Variants in CLNK observed in about 807,000 individuals in gnomAD.
CLNK encodes cytokine-dependent hematopoietic cell linker.
A neutral mutation model predicts 68.6 loss-of-function variants in CLNK; 74 were observed. The ratio of observed to expected loss-of-function variants is 1.08; its 90% CI spans 0.89 to 1.31. CLNK has a LOEUF of 1.31. Ranked by LOEUF, CLNK falls within the 50% of genes most tolerant of loss-of-function variation. CLNK has a pLI of 0.00. For missense variants in CLNK, 553 were observed against 515.3 expected (o/e 1.07, Z -0.71); for synonymous variants, 198 against 172.2 (o/e 1.15, Z -1.17).
At chr4:10,491,511 T>C (rs888183971) in intron 18 of CLNK, among the ~76,000 whole-genome samples, 1 of 152,240 alleles carries the variant, frequency 6.6e-6, no homozygotes, top group Admixed American at 6.5e-5. Context: ...CTTAAGCTTC[T>C]TGTGAAATAA....
chr4:10,572,308 C>T (rs139719221), intron 4 of CLNK, among the ~76,000 whole-genome samples: 164 of 152,342 alleles, frequency 1.1e-3, no homozygotes, highest in Non-Finnish European at 2.1e-3. Context: ...CCGTATTGAA[C>T]AATTGAGTTA....
At chr4:10,655,066 A>T (rs1450638204) in intron 2 of CLNK, among the ~76,000 whole-genome samples, 4 of 143,430 alleles carry the variant, frequency 2.8e-5, no homozygotes, top group Admixed American at 1.6e-4. Context: ...ACACCACTGC[A>T]CTCCAGTCTG....
At chr4:10,492,008 G>C (rs1320136182) in intron 18 of CLNK, among the ~76,000 whole-genome samples, 1 of 152,134 alleles carries the variant, frequency 6.6e-6, no homozygotes, top group Non-Finnish European at 1.5e-5. Context: ...ATAAGTTCCT[G>C]AAGGAGTATA....
At chr4:10,618,524 T>A (rs569357569) in intron 2 of CLNK, among the ~76,000 whole-genome samples, 192 of 152,344 alleles carry the variant, frequency 1.3e-3, no homozygotes, top group African/African-American at 4.1e-3. Flanking sequence ...ATATGACATG[T>A]AAAATATGCT....
At chr4:10,564,883 A>G in intron 6 of CLNK, 106 bp from the exon 7 acceptor site, 1 of 715,020 alleles carries the variant, frequency 1.4e-6, no homozygotes, top group South Asian at 1.6e-5. Context: ...TTACAACGTA[A>G]GTAAGAGCAA....
At chr4:10,512,388 G>A (rs538553901) in intron 16 of CLNK, among the ~76,000 whole-genome samples, 17 of 152,068 alleles carry the variant, frequency 1.1e-4, no homozygotes, top group African/African-American at 3.4e-4. Context: ...GTGCCACCAC[G>A]CCTGGCTAAT....
At chr4:10,710,830 T>C in the CLNK span, among the ~76,000 whole-genome samples, 2 of 152,102 alleles carry the variant, frequency 1.3e-5, no homozygotes, top group Non-Finnish European at 2.9e-5. Flanking sequence ...CTGCCTGCAA[T>C]TTTTTGTACA....
Position 10,486,548 on chromosome 4 carries a change from T to A in CLNK, c.*3919A>T, listed in dbSNP as rs1444940507. On this transcript the variant is annotated 3_prime_UTR_variant, in exon 19 of 19. Coordinates refer to ENST00000226951, the MANE Select transcript of CLNK (RefSeq NM_052964.4). Reference sequence around the variant, plus strand: ...TATAGGCTATCATAAAAATTTGTATTTGTGTACACACATACATAATTGGCT... The same window carrying A: ...TATAGGCTATCATAAAAATTTGTATATGTGTACACACATACATAATTGGCT... 1 of 152,176 alleles carries A rather than the reference T, an allele frequency of 6.6e-6. No homozygotes were observed. Among genetic ancestry groups the A allele is most frequent in the Non-Finnish European group, 1.5e-5 (1 of 68,034 alleles). 9.4% of individuals were successfully genotyped at this position (152,176 alleles called of 1,614,324 possible).
At chr4:10,558,378 A>T in intron 8 of CLNK, 29 bp downstream of exon 8, 1 of 1,607,028 alleles carries the variant, frequency 6.2e-7, no homozygotes, top group South Asian at 1.1e-5. Context: ...TCATACTTAC[A>T]TTTTAAACTT....
At chr4:10,726,427 G>A in the CLNK span, among the ~76,000 whole-genome samples, 3 of 152,140 alleles carry the variant, frequency 2.0e-5, no homozygotes, top group African/African-American at 7.2e-5. Context: ...CCCTATGTGT[G>A]TATCTGTGTT....
chr4:10,533,546 G>A (rs1718633308), intron 11 of CLNK, among the ~76,000 whole-genome samples: 1 of 152,326 alleles, frequency 6.6e-6, no homozygotes, highest in Non-Finnish European at 1.5e-5. Context: ...TGTCGGATCT[G>A]CAAGCAACAG....
At chr4:10,677,514 G>A (rs970187133) in intron 1 of CLNK, among the ~76,000 whole-genome samples, 8 of 152,174 alleles carry the variant, frequency 5.3e-5, no homozygotes, top group South Asian at 2.1e-4. Context: ...ATCTCATCTC[G>A]ATTTGTAATC....
chr4:10,538,323 T>A (rs771071193), intron 11 of CLNK, among the ~76,000 whole-genome samples: 1 of 152,206 alleles, frequency 6.6e-6, no homozygotes, highest in Non-Finnish European at 1.5e-5. Context: ...GAGATGGGGT[T>A]TCACCATGTT....
At chr4:10,629,543 C>A (rs1015019806) in intron 2 of CLNK, among the ~76,000 whole-genome samples, 5 of 152,136 alleles carry the variant, frequency 3.3e-5, no homozygotes, top group Non-Finnish European at 7.3e-5. Flanking sequence ...CTAACACCCA[C>A]CAGGCATCTG....
chr4:10,690,298 T>C, the CLNK span, among the ~76,000 whole-genome samples: 1,749 of 152,198 alleles, frequency 0.011, 23 homozygotes, highest in African/African-American at 0.038. Context: ...CATGGGTAAA[T>C]CCAGGGCTCA....
chr4:10,536,961 C>G (rs1285186015), intron 11 of CLNK, among the ~76,000 whole-genome samples: 1 of 151,998 alleles, frequency 6.6e-6, no homozygotes, highest in Non-Finnish European at 1.5e-5. Flanking sequence ...ATAGATAAGG[C>G]TTAAATACCT....
intron 4 of CLNK, among the ~76,000 whole-genome samples, chr4:10,580,166 A>G (rs1239742102): frequency 6.6e-6 from 1 of 152,160 alleles, no homozygotes; most frequent in Admixed American, 6.5e-5. Flanking sequence ...TCGGATCCAT[A>G]TCATTACCTA....
intron 7 of CLNK, among the ~76,000 whole-genome samples, chr4:10,562,917 T>C (rs1226746561): frequency 1.3e-5 from 2 of 152,218 alleles, no homozygotes; most frequent in Non-Finnish European, 2.9e-5. Flanking sequence ...TTCACGGATA[T>C]GTCTTTAGAG....
chr4:10,602,742 C>T (rs749291691), intron 2 of CLNK, among the ~76,000 whole-genome samples: 12 of 151,982 alleles, frequency 7.9e-5, no homozygotes, highest in Non-Finnish European at 1.2e-4. Context: ...TCCCAAGAGA[C>T]GAAAAAATGA....
Sources: allele counts gnomAD v4.1 joint callset (sites outside exome capture counted in the v4.1 genomes callset), GRCh38; gene constraint gnomAD v4.1.1; transcripts MANE v1.5; gene names NCBI Gene and HGNC (gene_info 2026-07-23, HGNC 2026-07-21).